The following VPS13B variants were observed in gnomAD, a reference collection of about 807,000 sequenced individuals.
VPS13B encodes intermembrane lipid transfer protein VPS13B.
VPS13B carries 285 observed loss-of-function variants against 426.4 expected under a neutral mutation model. That is an observed-to-expected ratio of 0.67 (90% CI 0.61 to 0.74). The LOEUF (loss-of-function observed/expected upper bound fraction) is 0.74. VPS13B is among the 30% of genes least tolerant of loss of function. VPS13B has a pLI of 0.00. For synonymous variants in VPS13B, 1,676 were observed against 1,676.4 expected, an observed-to-expected ratio of 1.00 and a Z score of 0.01; for missense variants, 4,537 against 4,782.6, an observed-to-expected ratio of 0.95 and a Z score of 1.51.
chr8:99,762,988 A>C (rs1051933624), intron 39 of VPS13B, among the ~76,000 whole-genome samples: 11 of 151,680 alleles, frequency 7.3e-5, no homozygotes, highest in African/African-American at 2.7e-4. Flanking sequence ...AAATACAAAA[A>C]TTAGTCAGGC....
intron 33 of VPS13B, among the ~76,000 whole-genome samples, 179 bp from the exon 34 acceptor site, chr8:99,641,631 AG>A (rs1369252327): frequency 6.6e-6 from 1 of 152,164 alleles, no homozygotes; most frequent in Non-Finnish European, 1.5e-5. Flanking sequence ...TGGCATTTTT[AG>A]GTGATTTTAG....
At chr8:99,288,816 A>G (rs1819574950) in intron 19 of VPS13B, among the ~76,000 whole-genome samples, 1 of 152,148 alleles carries the variant, frequency 6.6e-6, no homozygotes, top group Non-Finnish European at 1.5e-5. Context: ...CTTATGATCC[A>G]GCATCCAGAT....
chr8:99,313,314 C>T (rs915868347), intron 19 of VPS13B, among the ~76,000 whole-genome samples: 2 of 152,102 alleles, frequency 1.3e-5, no homozygotes, highest in African/African-American at 4.8e-5. Flanking sequence ...TACCTTTGGT[C>T]TTTGATGATG....
At chr8:99,264,806 C>G (rs1397248845) in intron 17 of VPS13B, among the ~76,000 whole-genome samples, 1 of 152,120 alleles carries the variant, frequency 6.6e-6, no homozygotes, top group South Asian at 2.1e-4. Flanking sequence ...TGCTCTTGAA[C>G]TATGTTTTTG....
intron 34 of VPS13B, among the ~76,000 whole-genome samples, chr8:99,661,018 A>G (rs1474162565): frequency 3.3e-5 from 5 of 152,138 alleles, no homozygotes; most frequent in Non-Finnish European, 7.4e-5. Context: ...TGTTTTTAAT[A>G]TCACATTTTA....
intron 16 of VPS13B, among the ~76,000 whole-genome samples, chr8:99,189,014 C>T (rs1417002079): frequency 6.6e-6 from 1 of 152,230 alleles, no homozygotes; most frequent in East Asian, 1.9e-4. Context: ...ATTCTCCTGC[C>T]TCAGCCTCCC....
chr8:99,030,086 T>G (rs1842433651), intron 2 of VPS13B, among the ~76,000 whole-genome samples: 1 of 151,914 alleles, frequency 6.6e-6, no homozygotes, highest in African/African-American at 2.4e-5. Context: ...TTTAAATAGG[T>G]TTTATATGCT....
In VPS13B at chr8:99,835,242, A is replaced by G. The variant is rs747298426; in HGVS notation, c.9660A>G (p.Leu3220=). 6.2e-7 allele frequency: 1 copy of G among 1,614,042 alleles called. No homozygotes were observed. The highest frequency in any genetic ancestry group is 1.1e-5 in the South Asian group (1 of 91,080). The change falls in exon 53 of 62, where the codon TTA becomes TTG. Residue 3220 remains leucine (L), a synonymous_variant. Coordinates refer to ENST00000357162, the MANE Select transcript of VPS13B (RefSeq NM_152564.5). The stretch of plus-strand genomic sequence containing the variant: ...AAGAACACCTCGGAGTGACTTATTT[A>G]ACCCTCTCAGAAGACCCTAGTCCTC... ...TYQEHLGVTY[L]TLSEDPSPRV...
intron 33 of VPS13B, among the ~76,000 whole-genome samples, chr8:99,635,450 T>C (rs1442877024): frequency 1.3e-5 from 2 of 152,004 alleles, no homozygotes; most frequent in Admixed American, 1.3e-4. Context: ...TATATTACCA[T>C]AATTATGATA....
intron 35 of VPS13B, among the ~76,000 whole-genome samples, chr8:99,669,928 G>A (rs1220349040): frequency 1.3e-5 from 2 of 151,940 alleles, no homozygotes; most frequent in African/African-American, 4.8e-5. Context: ...TTAAATGATT[G>A]CATTTCCACA....
intron 39 of VPS13B, among the ~76,000 whole-genome samples, chr8:99,739,856 A>G (rs1260488226): frequency 3.3e-5 from 5 of 152,128 alleles, no homozygotes; most frequent in Non-Finnish European, 2.9e-5. Flanking sequence ...GGTAGATAAA[A>G]CCACAAAGAT....
chr8:99,289,632 C>T (rs1819624481), intron 19 of VPS13B, among the ~76,000 whole-genome samples: 1 of 152,016 alleles, frequency 6.6e-6, no homozygotes, highest in African/African-American at 2.4e-5. Flanking sequence ...TGACGAAAAG[C>T]AAGCAGAGCT....
At chr8:99,198,007 T>G (rs1814043564) in intron 17 of VPS13B, among the ~76,000 whole-genome samples, 1 of 152,184 alleles carries the variant, frequency 6.6e-6, no homozygotes, top group African/African-American at 2.4e-5. Flanking sequence ...CAACCTAATA[T>G]ATATGGTAAA....
chr8:99,451,136 C>G (rs1818177126), intron 23 of VPS13B, among the ~76,000 whole-genome samples: 1 of 151,982 alleles, frequency 6.6e-6, no homozygotes, highest in South Asian at 2.1e-4. Context: ...AAATTTGATT[C>G]CAGTACACCT....
intron 24 of VPS13B, among the ~76,000 whole-genome samples, chr8:99,474,292 G>A (rs2133534027): frequency 6.7e-6 from 1 of 150,344 alleles, no homozygotes; most frequent in East Asian, 2.0e-4. Flanking sequence ...AGGTTCAAGC[G>A]ATTCTCCTGC....
At chr8:99,652,059 C>T (rs1345877059) in intron 34 of VPS13B, among the ~76,000 whole-genome samples, 15 of 152,148 alleles carry the variant, frequency 9.9e-5, no homozygotes, top group Non-Finnish European at 1.3e-4. Context: ...TAGGTCATAG[C>T]ACACTTCTGT....
At chr8:99,493,780 T>TAAAAAAAAAAAAAAAAAAAAA (rs376555643) in intron 25 of VPS13B, among the ~76,000 whole-genome samples, 16 of 60,996 alleles carry the variant, frequency 2.6e-4, no homozygotes, top group East Asian at 4.6e-4. Flanking sequence ...AGACTCTATC[T>TAAAAAAAAAAAAAAAAAAAAA]AAAAAAAAAA....
intron 3 of VPS13B, among the ~76,000 whole-genome samples, chr8:99,041,388 T>C (rs1842954717): frequency 6.6e-6 from 1 of 152,200 alleles, no homozygotes; most frequent in African/African-American, 2.4e-5. Flanking sequence ...TAAATACTTG[T>C]TAACATAACT....
In VPS13B at chr8:99,835,293, A is replaced by G. The variant is rs1219912059; in HGVS notation, c.9711A>G (p.Pro3237=). The part of the protein sequence containing the change: ...SPRVIIHNRC[P]VKMLIKENIK... ...GAGTAATTATCCACAATAGATGTCC[A>G]GTAAAAATGCTTATAAAGGAAAACA... Residue 3237 remains proline, a synonymous_variant, in exon 53 of 62, where the codon CCA becomes CCG. Coordinates refer to ENST00000357162, the MANE Select transcript of VPS13B (RefSeq NM_152564.5). 1 of 1,613,108 alleles carries G rather than the reference A, an allele frequency of 6.2e-7. No individual in the cohort carries two copies.
Sources: allele counts gnomAD v4.1 joint callset (sites outside exome capture counted in the v4.1 genomes callset), GRCh38; gene constraint gnomAD v4.1.1; transcripts MANE v1.5; gene names NCBI Gene and HGNC (gene_info 2026-07-23, HGNC 2026-07-21).